ASIP: variants seen among roughly 807,000 people sequenced by gnomAD.
The protein encoded by ASIP is agouti-signaling protein.
Under a neutral mutation model 10.3 loss-of-function variants are expected in ASIP, and 11 were observed. The observed-to-expected ratio is 1.07, with a 90% CI of 0.68 to 1.78. The LOEUF (loss-of-function observed/expected upper bound fraction) is 1.78, where lower values mean the gene tolerates loss of function less well. ASIP is among the 40% of genes most tolerant of loss of function. ASIP has a pLI of 0.00. For synonymous variants in ASIP, 70 were observed against 70.8 expected, an observed-to-expected ratio of 0.99 and a Z score of 0.06; for missense variants, 180 against 169.2, an observed-to-expected ratio of 1.06 and a Z score of -0.35.
intron 1 of ASIP, among the ~76,000 whole-genome samples, chr20:34,256,661 A>C (rs747931741): frequency 6.6e-6 from 1 of 152,134 alleles, no homozygotes; most frequent in Non-Finnish European, 1.5e-5. Flanking sequence ...TTCCCATTAC[A>C]GTTTTTGGCC....
At chr20:34,245,320 T>A (rs6119476) in intron 1 of ASIP, among the ~76,000 whole-genome samples, 1 of 133,064 alleles carries the variant, frequency 7.5e-6, no homozygotes, top group African/African-American at 2.8e-5. Flanking sequence ...GGCGACAGTG[T>A]GAGACTCTGT....
intron 1 of ASIP, among the ~76,000 whole-genome samples, chr20:34,204,020 G>A (rs1306851961): frequency 3.3e-5 from 5 of 152,114 alleles, no homozygotes; most frequent in Non-Finnish European, 7.3e-5. Flanking sequence ...CACCACGCCC[G>A]GCCATAAATG....
intron 1 of ASIP, among the ~76,000 whole-genome samples, chr20:34,202,453 A>G (rs1226943400): frequency 6.6e-6 from 1 of 152,260 alleles, no homozygotes; most frequent in South Asian, 2.1e-4. Context: ...AATAATTTAA[A>G]TGAATTGTGG....
intron 1 of ASIP, among the ~76,000 whole-genome samples, chr20:34,253,089 A>G (rs1158836299): frequency 6.6e-6 from 1 of 151,852 alleles, no homozygotes; most frequent in Non-Finnish European, 1.5e-5. Flanking sequence ...ACACAGTAAC[A>G]ACCTGATCTC....
intron 1 of ASIP, among the ~76,000 whole-genome samples, chr20:34,258,068 C>T (rs1179133953): frequency 2.0e-5 from 3 of 151,750 alleles, no homozygotes; most frequent in Admixed American, 6.6e-5. Context: ...TGCTTGAATC[C>T]GGGAGGCAGA....
chr20:34,196,469 G>A (rs1343205992), intron 1 of ASIP, among the ~76,000 whole-genome samples: 2 of 152,056 alleles, frequency 1.3e-5, no homozygotes, highest in Admixed American at 6.6e-5. Flanking sequence ...CACCGCGCCC[G>A]GCTGAAAAGG....
At chr20:34,215,250 A>G (rs1423529026) in intron 1 of ASIP, 2 of 1,559,816 alleles carry the variant, frequency 1.3e-6, no homozygotes, top group East Asian at 4.5e-5. Flanking sequence ...AGTCAATCCA[A>G]GAGACATAAG....
intron 1 of ASIP, among the ~76,000 whole-genome samples, chr20:34,198,392 T>G (rs2034872359): frequency 6.6e-6 from 1 of 152,128 alleles, no homozygotes; most frequent in Non-Finnish European, 1.5e-5. Context: ...GCCCGGTCAT[T>G]GCTTAACGTT....
chr20:34,256,915 G>T (rs2035578882), intron 1 of ASIP, among the ~76,000 whole-genome samples: 1 of 151,992 alleles, frequency 6.6e-6, no homozygotes, highest in Non-Finnish European at 1.5e-5. Flanking sequence ...CGAGTAGCTG[G>T]GAACACAGTC....
At chr20:34,233,639 C>A (rs984184217) in intron 1 of ASIP, among the ~76,000 whole-genome samples, 6 of 152,116 alleles carry the variant, frequency 3.9e-5, no homozygotes, top group African/African-American at 9.7e-5. Flanking sequence ...AATGGTACCA[C>A]CAGTCTGAAG....
chr20:34,269,170 GC>G lies in ASIP; in HGVS notation c.*8del. 6.6e-7 allele frequency: 1 copy of G among 1,516,506 alleles called. No individual in the cohort carries two copies. 93.9% of individuals were successfully genotyped at this position (1,516,506 alleles called of 1,614,324 possible). A position where few individuals can be genotyped will look rare whatever the true frequency, so the allele number is the denominator to read the frequency against. Reference sequence around the variant, plus strand: ...GCGTGCTCAGCCTCAACTGCTGAGCGCCCCCACTCCCGGCCGCGAGCAGGCA... The same window carrying G: ...GCGTGCTCAGCCTCAACTGCTGAGCGCCCCACTCCCGGCCGCGAGCAGGCA... On this transcript the variant is annotated 3_prime_UTR_variant, in exon 4 of 4. Transcript: ENST00000374954.
intron 1 of ASIP, among the ~76,000 whole-genome samples, chr20:34,218,686 ATT>A (rs796481214): frequency 6.9e-6 from 1 of 145,498 alleles, no homozygotes; most frequent in Admixed American, 6.9e-5. Context: ...CTTTTCAGCA[ATT>A]TTTTTTTTTT....
At chr20:34,256,411 C>T (rs923515087) in intron 1 of ASIP, among the ~76,000 whole-genome samples, 1 of 152,176 alleles carries the variant, frequency 6.6e-6, no homozygotes, top group Admixed American at 6.5e-5. Flanking sequence ...CGTCTCCACA[C>T]ATGAGGAGAA....
At chr20:34,242,766 GC>G (rs2035303893) in intron 1 of ASIP, among the ~76,000 whole-genome samples, 1 of 152,214 alleles carries the variant, frequency 6.6e-6, no homozygotes, top group Non-Finnish European at 1.5e-5. Context: ...TCACATCAAA[GC>G]CTCTTCCCTC....
chr20:34,247,467 A>T lies in ASIP; in HGVS notation c.-11+5978A>T, dbSNP rs574996479. Among the ~76,000 whole-genome samples the T allele has an allele frequency of 3.3e-5, 5 of 150,844 alleles. No individual in the cohort carries two copies. The East Asian group carries it at 9.9e-4, about 30-fold the overall frequency. On this transcript the variant is annotated intron_variant, in intron 1 of 3. Transcript: ENST00000374954. ...AGGCACATGCCACCACGCCCAGCTAATTTTTGTATTTTTGTAGAGACGAGG... is the reference window on the plus strand; with the variant it reads ...AGGCACATGCCACCACGCCCAGCTATTTTTTGTATTTTTGTAGAGACGAGG...
chr20:34,190,029 G>A (rs1271323694), upstream of ASIP, among the ~76,000 whole-genome samples: 3 of 152,142 alleles, frequency 2.0e-5, no homozygotes, highest in Non-Finnish European at 2.9e-5. Flanking sequence ...CCACTGTCCC[G>A]CAACAGCCTT....
At chr20:34,213,526 G>T in intron 1 of ASIP, 1 of 1,503,648 alleles carries the variant, frequency 6.7e-7, no homozygotes, top group Non-Finnish European at 9.0e-7. Flanking sequence ...ATTTTCTTCT[G>T]CGGGCCAGAG....
upstream of ASIP, among the ~76,000 whole-genome samples, chr20:34,189,925 T>C (rs1469729695): frequency 6.6e-6 from 1 of 152,134 alleles, no homozygotes; most frequent in Non-Finnish European, 1.5e-5. Flanking sequence ...CTCAGCTCGG[T>C]CCGGTGGACT....
In ASIP at chr20:34,248,549, T is replaced by A. The variant is rs557430520; in HGVS notation, c.-11+7060T>A. ...CAGGCACGATGGCTCACGCTTGTAA[T>A]TCCAGCACTTTGGGAGGCCGAGGAG... On this transcript the variant is annotated intron_variant, in intron 1 of 3. Transcript: ENST00000374954. Among the ~76,000 whole-genome samples the A allele has an allele frequency of 5.9e-5, 9 of 152,302 alleles. No individual in the cohort carries two copies. The East Asian group carries it at 1.7e-3, about 29-fold the overall frequency.
Sources: allele counts gnomAD v4.1 joint callset (sites outside exome capture counted in the v4.1 genomes callset), GRCh38; gene constraint gnomAD v4.1.1; transcripts MANE v1.5; gene names NCBI Gene and HGNC (gene_info 2026-07-23, HGNC 2026-07-21).